The following DRG2 variants were observed in gnomAD, a reference collection of about 807,000 sequenced individuals.
DRG2 encodes the protein developmentally regulated GTP binding protein 2.
Under a neutral mutation model 53.4 loss-of-function variants are expected in DRG2, and 36 were observed. That is an observed-to-expected ratio of 0.67 (90% confidence interval 0.52 to 0.89). DRG2 has a LOEUF of 0.89. DRG2 is among the 40% of genes least tolerant of loss of function. DRG2 has a pLI of 0.00. For synonymous variants in DRG2, 167 were observed against 192.1 expected, an observed-to-expected ratio of 0.87 and a Z score of 1.08; for missense variants, 342 against 481.2, an observed-to-expected ratio of 0.71 and a Z score of 2.71.
rs933552206 is a variant in DRG2, at chr17:18,107,752, A to G, written c.*512A>G. The G allele has an allele frequency of 1.2e-5, 2 of 167,930 alleles. No individual in the cohort carries two copies. The highest frequency in any genetic ancestry group is 4.8e-5 in the African/African-American group (2 of 42,024). 10.4% of individuals were successfully genotyped at this position (167,930 alleles called of 1,614,324 possible). On this transcript the variant is annotated 3_prime_UTR_variant, in exon 13 of 13. Transcript: ENST00000225729. ...CTCTCCATGATGGGAACCAGTGGTT[A>G]GTGGCTTCAAAGGCCCAGCTGACAC...
rs1224336427 is a variant in DRG2 at position 18,104,259 on chromosome 17, C to G, written c.896-364C>G. On this transcript the variant is annotated intron_variant, in intron 10 of 12. Coordinates refer to ENST00000225729, the MANE Select transcript of DRG2 (RefSeq NM_001388.5). ...GGGGTCCCAACAGCTGAATTCGGAG[C>G]AGTTTGCATCAACCCTGACTTTGGC... is the stretch of plus-strand genomic sequence containing the variant. Among the ~76,000 whole-genome samples the G allele has an allele frequency of 2.0e-5, 3 of 152,214 alleles. No homozygotes were observed. In the East Asian group the frequency reaches 5.8e-4, roughly 29 times the overall value.
Position 18,100,023 on chromosome 17 carries a change from G to A in DRG2, c.467+300G>A. 1.7e-6 allele frequency: 1 copy of A among 579,256 alleles called. No homozygotes were observed. Among genetic ancestry groups the A allele is most frequent in the Non-Finnish European group, 3.1e-6 (1 of 324,844 alleles). 35.9% of individuals were successfully genotyped at this position (579,256 alleles called of 1,614,324 possible). A position where few individuals can be genotyped will look rare whatever the true frequency, so the allele number is the denominator to read the frequency against. ...GAACCTGCCAGGAGCCCAGCCCCAG[G>A]CACAGAAGCATTGTTCATCCACATC... On this transcript the variant is annotated intron_variant, in intron 5 of 12. Coordinates refer to ENST00000225729, the MANE Select transcript of DRG2 (RefSeq NM_001388.5). The surrounding 1 kb of genome is among the most constrained non-coding windows in gnomAD (Gnocchi z 4.1).
At chr17:18,095,890 C>G (rs980530092) in intron 2 of DRG2, 1 of 152,218 alleles carries the variant, frequency 6.6e-6, no homozygotes, top group Non-Finnish European at 1.5e-5. Flanking sequence ...TGTCCTTTTT[C>G]TGTCCTGAGA....
chr17:18,102,694 T>G (rs962199041), intron 9 of DRG2, among the ~76,000 whole-genome samples: 4 of 151,122 alleles, frequency 2.6e-5, no homozygotes, highest in African/African-American at 7.3e-5. Flanking sequence ...GCCCTGGGTG[T>G]GAGCCTACCT....
intron 11 of DRG2, among the ~76,000 whole-genome samples, chr17:18,105,276 T>G (rs2045609647): frequency 6.6e-6 from 1 of 152,128 alleles, no homozygotes; most frequent in African/African-American, 2.4e-5. Flanking sequence ...TGGCCAACCT[T>G]CAGGTCACAT....
intron 2 of DRG2, among the ~76,000 whole-genome samples, chr17:18,095,238 C>G (rs1291074442): frequency 6.6e-6 from 1 of 151,776 alleles, no homozygotes; most frequent in Non-Finnish European, 1.5e-5. Context: ...TCTCGAACTT[C>G]TGACCTCAGG....
At chr17:18,089,865 G>A (rs987994492) in intron 1 of DRG2, among the ~76,000 whole-genome samples, 1 of 151,818 alleles carries the variant, frequency 6.6e-6, no homozygotes, top group African/African-American at 2.4e-5. Flanking sequence ...GGGACAGGAG[G>A]GGGTTGATCA....
At position 18,099,067 on chromosome 17, in the gene DRG2, C is replaced by T. The variant is rs750808749; in HGVS notation, c.366C>T (p.Gly122=). The T allele has an allele frequency of 1.1e-5, 18 of 1,613,964 alleles. No homozygotes were observed. The highest frequency in any genetic ancestry group is 5.5e-5 in the South Asian group (5 of 91,074). The part of the protein sequence containing the change: ...QLLDLPGIIE[G]AAQGKGRGRQ... ...TGGACCTTCCTGGAATCATTGAAGG[C>T]GCAGCCCAAGGTGGGAGGCAGGGCA... Residue 122 remains glycine (G), a synonymous_variant, in exon 4 of 13, where the codon GGC becomes GGT. Transcript: ENST00000225729. This position sits in a 1 kb window ranked among gnomAD's most constrained non-coding sequence, Gnocchi z 4.4.
rs769566691 is a variant in DRG2, at chr17:18,098,404, G to A, written c.315+45G>A. On this transcript the variant is annotated intron_variant, in intron 3 of 12. Transcript: ENST00000225729. This position sits in a 1 kb window ranked among gnomAD's most constrained non-coding sequence, Gnocchi z 4.1. Reference sequence around the variant, plus strand: ...CCAGAAGGAGAAGGGGCGCATGCTTGTGTTTGGACTTGTGCCTGTGCCCAC... The same window carrying A: ...CCAGAAGGAGAAGGGGCGCATGCTTATGTTTGGACTTGTGCCTGTGCCCAC... The A allele has an allele frequency of 1.3e-6, 2 of 1,569,482 alleles. No homozygotes were observed. Among genetic ancestry groups the A allele is most frequent in the South Asian group, 2.2e-5 (2 of 90,030 alleles).
At position 18,099,149 on chromosome 17, in the gene DRG2, G is replaced by A; in HGVS notation, c.376+72G>A. 1.3e-6 allele frequency: 2 copies of A among 1,589,852 alleles called. No homozygotes were observed. The highest frequency in any genetic ancestry group is 2.2e-5 in the East Asian group (1 of 44,722). The stretch of plus-strand genomic sequence containing the variant: ...CTGATCGTTGAAATTGGGTGTGGCT[G>A]TCATGGAGATCACTCTGGATCCCTG... On this transcript the variant is annotated intron_variant, in intron 4 of 12. Transcript: ENST00000225729. This position sits in a 1 kb window ranked among gnomAD's most constrained non-coding sequence, Gnocchi z 4.4.
intron 1 of DRG2, among the ~76,000 whole-genome samples, 200 bp downstream of exon 1, chr17:18,088,287 G>A (rs146337326): frequency 9.2e-5 from 14 of 152,378 alleles, no homozygotes; most frequent in African/African-American, 3.1e-4. Context: ...GACTGCAAAC[G>A]TACCCCAAGA....
rs1236960718 is a variant in DRG2 at position 18,103,868 on chromosome 17, A to G, written c.874A>G (p.Ile292Val). 6.2e-7 allele frequency: 1 copy of G among 1,613,868 alleles called. No individual in the cohort carries two copies. Among genetic ancestry groups the G allele is most frequent in the East Asian group, 2.2e-5 (1 of 44,842 alleles). Residue 292 changes from isoleucine (I) to valine (V), a missense_variant, in exon 10 of 13, where the codon ATC becomes GTC. Ile to Val is a conservative substitution (Grantham distance 29). Coordinates refer to ENST00000225729, the MANE Select transcript of DRG2 (RefSeq NM_001388.5). This position sits in a 1 kb window ranked among gnomAD's most constrained non-coding sequence, Gnocchi z 4.4. ...MLWEYLALTC[I>V]YTKKRGQRPD... ...TTGGGAGTACTTGGCCCTGACCTGC[A>G]TCTACACCAAGAAGAGAGGACGTGA... is the stretch of plus-strand genomic sequence containing the variant.
chr17:18,107,119 C>T (rs1011765076), intron 12 of DRG2, 35 bp from the exon 13 acceptor site: 1 of 1,605,464 alleles, frequency 6.2e-7, no homozygotes, highest in Admixed American at 1.7e-5. Context: ...CCAGTCCAGG[C>T]TGAGGTGACC....
rs371883643 is a variant in DRG2 at position 18,088,004 on chromosome 17, C to T, written c.-20C>T. On this transcript the variant is annotated 5_prime_UTR_variant, in exon 1 of 13. Transcript: ENST00000225729. ...GGTGCCGCCGCCACCGCTGTCTGTG[C>T]GCCCACCTCTGCTGCTACCATGGGG... 3.2e-6 allele frequency: 5 copies of T among 1,546,222 alleles called. No individual in the cohort carries two copies. The highest frequency in any genetic ancestry group is 3.5e-6 in the Non-Finnish European group (4 of 1,145,222).
Position 18,099,110 on chromosome 17 carries a change from C to T in DRG2, c.376+33C>T. 8 of 1,613,466 alleles carry T rather than the reference C, an allele frequency of 5.0e-6. No individual in the cohort carries two copies. The highest frequency in any genetic ancestry group is 6.8e-6 in the Non-Finnish European group (8 of 1,179,842). Reference sequence around the variant, plus strand: ...GCAGGGCAGGTGTGTGGGAAGCAGACTGGAGCTCTGTTACTGATCGTTGAA... The same window carrying T: ...GCAGGGCAGGTGTGTGGGAAGCAGATTGGAGCTCTGTTACTGATCGTTGAA... On this transcript the variant is annotated intron_variant, in intron 4 of 12. Coordinates refer to ENST00000225729, the MANE Select transcript of DRG2 (RefSeq NM_001388.5). The surrounding 1 kb of genome is among the most constrained non-coding windows in gnomAD (Gnocchi z 4.4).
intron 11 of DRG2, 149 bp downstream of exon 11, chr17:18,104,830 G>A: frequency 7.5e-7 from 1 of 1,340,666 alleles, no homozygotes; most frequent in Non-Finnish European, 1.0e-6. Flanking sequence ...GACAGCCTGG[G>A]GCTGCGTCTG....
intron 11 of DRG2, 37 bp from the exon 12 acceptor site, chr17:18,106,396 G>T: frequency 1.9e-6 from 3 of 1,613,292 alleles, no homozygotes; most frequent in Non-Finnish European, 2.5e-6. Flanking sequence ...GTTAGGTGAA[G>T]CCTCACCTCT....
chr17:18,100,190 AGAAGTT>A lies in DRG2; in HGVS notation c.468-172_468-167del. ...CCCCTCTGGGACTGTGGCAGAGTTT[AGAAGTT>A]CCCTGCAGCTCTAGGGCATTGGGAA... is the stretch of plus-strand genomic sequence containing the variant. On this transcript the variant is annotated intron_variant, in intron 5 of 12. Transcript: ENST00000225729. The surrounding 1 kb of genome is among the most constrained non-coding windows in gnomAD (Gnocchi z 4.1). 1 of 694,554 alleles carries A rather than the reference AGAAGTT, an allele frequency of 1.4e-6. No individual in the cohort carries two copies. The highest frequency in any genetic ancestry group is 2.5e-6 in the Non-Finnish European group (1 of 404,472). 43.0% of individuals were successfully genotyped at this position (694,554 alleles called of 1,614,324 possible). A position where few individuals can be genotyped will look rare whatever the true frequency, so the allele number is the denominator to read the frequency against.
chr17:18,099,672 C>T lies in DRG2; in HGVS notation c.416C>T (p.Thr139Met), dbSNP rs1268095526. ...RGRQVIAVAR[T>M]ADVIIMMLDA... ...CGGCAGGTGATCGCTGTGGCGCGCA[C>T]GGCTGACGTCATCATCATGATGCTG... Residue 139 changes from threonine (T) to methionine (M), a missense_variant, in exon 5 of 13, where the codon ACG becomes ATG. Transcript: ENST00000225729. This position sits in a 1 kb window ranked among gnomAD's most constrained non-coding sequence, Gnocchi z 4.4. 13 of 1,607,868 alleles carry T rather than the reference C, an allele frequency of 8.1e-6. No homozygotes were observed. The highest frequency in any genetic ancestry group is 2.2e-5 in the East Asian group (1 of 44,604).
Sources: allele counts gnomAD v4.1 joint callset (sites outside exome capture counted in the v4.1 genomes callset), GRCh38; gene constraint gnomAD v4.1.1; non-coding constraint Gnocchi (gnomAD v3.1); transcripts MANE v1.5; gene names NCBI Gene and HGNC (gene_info 2026-07-23, HGNC 2026-07-21).